The following CLRN1 variants were observed in gnomAD, a reference collection of about 807,000 sequenced individuals.
CLRN1 encodes the protein clarin 1, also known as clarin-1.
In CLRN1, 15 loss-of-function variants were observed where a neutral mutation model predicts 18.7. That is an observed-to-expected ratio of 0.80 (90% CI 0.54 to 1.23). The LOEUF (loss-of-function observed/expected upper bound fraction) is 1.23, where lower values mean the gene tolerates loss of function less well. Ranked by LOEUF, CLRN1 falls within the 50% of genes most tolerant of loss-of-function variation. CLRN1 has a pLI of 0.00. For missense variants in CLRN1, 311 were observed against 277.5 expected (o/e 1.12, Z -0.86); for synonymous variants, 104 against 102.9 (o/e 1.01, Z -0.07).
At chr3:150,966,220 G>A (rs1247398358) in intron 1 of CLRN1, among the ~76,000 whole-genome samples, 2 of 152,200 alleles carry the variant, frequency 1.3e-5, no homozygotes, top group Non-Finnish European at 2.9e-5. Context: ...AGGCTGAGGT[G>A]GGAGGATTCC....
At chr3:150,946,409 G>A (rs944206793) in intron 1 of CLRN1, among the ~76,000 whole-genome samples, 8 of 152,116 alleles carry the variant, frequency 5.3e-5, no homozygotes, top group African/African-American at 1.7e-4. Flanking sequence ...ACTGGCATGT[G>A]TGTCTAGGCA....
In CLRN1 at chr3:150,947,711, C is replaced by T. The variant is rs7646568; in HGVS notation, c.254-5950G>A. Among the ~76,000 whole-genome samples, 347 of 152,268 alleles carry T rather than the reference C, an allele frequency of 2.3e-3. 3 individuals are homozygous for T. Among genetic ancestry groups the T allele is most frequent in the African/African-American group, 7.5e-3 (311 of 41,536 alleles). The stretch of plus-strand genomic sequence containing the variant: ...AAAGTCATATCAAACACCCTCAGAC[C>T]ACGGTACAATAAAAATAGAAGTCAA... On this transcript the variant is annotated intron_variant, in intron 1 of 2. Coordinates refer to ENST00000327047, the MANE Select transcript of CLRN1 (RefSeq NM_174878.3).
chr3:150,948,462 C>G (rs1191467388), intron 1 of CLRN1, among the ~76,000 whole-genome samples: 2 of 110,036 alleles, frequency 1.8e-5, no homozygotes, highest in African/African-American at 7.0e-5. Context: ...CCAGCCTGGG[C>G]GACAGAGCGA....
intron 2 of CLRN1, among the ~76,000 whole-genome samples, chr3:150,935,111 G>A (rs372794090): frequency 2.3e-4 from 35 of 149,518 alleles, no homozygotes; most frequent in African/African-American, 7.3e-4. Flanking sequence ...TCAGGAATTG[G>A]TCCTACATCA....
At chr3:150,955,145 G>A (rs945823853) in intron 1 of CLRN1, among the ~76,000 whole-genome samples, 2 of 152,198 alleles carry the variant, frequency 1.3e-5, no homozygotes, top group Non-Finnish European at 2.9e-5. Flanking sequence ...GACTCGAGAG[G>A]CTGCATGCTG....
At chr3:150,938,807 A>C (rs1469462641) in intron 2 of CLRN1, among the ~76,000 whole-genome samples, 1 of 152,206 alleles carries the variant, frequency 6.6e-6, no homozygotes, top group Non-Finnish European at 1.5e-5. Flanking sequence ...GGTGAGACAG[A>C]ATAGAATGCA....
At chr3:150,938,356 A>T in intron 2 of CLRN1, among the ~76,000 whole-genome samples, 1 of 152,144 alleles carries the variant, frequency 6.6e-6, no homozygotes, top group East Asian at 1.9e-4. Flanking sequence ...CACACTTAGA[A>T]TGTTTGGGAT....
intron 1 of CLRN1, among the ~76,000 whole-genome samples, chr3:150,962,264 A>C (rs751396916): frequency 6.6e-6 from 1 of 152,184 alleles, no homozygotes; most frequent in Non-Finnish European, 1.5e-5. Context: ...ACCAGGTACA[A>C]AGTTTGCTAT....
chr3:150,955,412 G>T (rs775081014), intron 1 of CLRN1, among the ~76,000 whole-genome samples: 1 of 152,146 alleles, frequency 6.6e-6, no homozygotes, highest in Non-Finnish European at 1.5e-5. Context: ...CAATAAACCC[G>T]ACTGAAAACA....
chr3:150,942,461 A>G (rs1713912834), intron 1 of CLRN1: 1 of 239,212 alleles, frequency 4.2e-6, no homozygotes, highest in African/African-American at 2.3e-5. Context: ...GGCATCAGCA[A>G]ATCTGGCAGG....
At chr3:150,943,932 G>T (rs913952826) in intron 1 of CLRN1, 1 of 1,606,142 alleles carries the variant, frequency 6.2e-7, no homozygotes, top group Non-Finnish European at 8.5e-7. Flanking sequence ...GTTGAGCAGG[G>T]CAGGCTGAGT....
rs144778879 is a variant in CLRN1 at position 150,939,811 on chromosome 3, T to C, written c.433+1771A>G. 1.0e-3 allele frequency among the ~76,000 whole-genome samples: 154 copies of C among 152,240 alleles called. 2 individuals carry two copies. Among genetic ancestry groups the C allele is most frequent in the Non-Finnish European group, 1.8e-3 (123 of 68,004 alleles). On this transcript the variant is annotated intron_variant, in intron 2 of 2. Coordinates refer to ENST00000327047, the MANE Select transcript of CLRN1 (RefSeq NM_174878.3). ...TTTGGTGAGCAGAAGTAATCCCAAC[T>C]CTCTCTTCTCATCTGGACTTTCACA...
At chr3:150,939,592 A>C (rs1713691312) in intron 2 of CLRN1, among the ~76,000 whole-genome samples, 1 of 152,118 alleles carries the variant, frequency 6.6e-6, no homozygotes, top group Non-Finnish European at 1.5e-5. Context: ...CAGACCCCCA[A>C]GTTTCTGATT....
chr3:150,972,400 A>G, intron 1 of CLRN1, 56 bp downstream of exon 1: 2 of 1,613,028 alleles, frequency 1.2e-6, no homozygotes, highest in Non-Finnish European at 8.5e-7. Context: ...ATTCCTCGCA[A>G]CACTGGGAAG....
At chr3:150,931,851 C>A (rs1027430412) in intron 2 of CLRN1, among the ~76,000 whole-genome samples, 10 of 152,090 alleles carry the variant, frequency 6.6e-5, no homozygotes, top group Admixed American at 6.6e-4. Flanking sequence ...TCTATCTGAC[C>A]AACACTGCTC....
Position 150,928,217 on chromosome 3 carries a change from C to T in CLRN1, c.434-16G>A, listed in dbSNP as rs758108409. 1 of 1,613,692 alleles carries T rather than the reference C, an allele frequency of 6.2e-7. No individual in the cohort carries two copies. Among genetic ancestry groups the T allele is most frequent in the Admixed American group, 1.7e-5 (1 of 60,020 alleles). The stretch of plus-strand genomic sequence containing the variant: ...CCACAGGAGCCTGCAACAGAAGAAA[C>T]AAGGTGTTGGGACAAATATTTCCTG... On this transcript the variant is annotated splice_polypyrimidine_tract_variant and intron_variant, in intron 2 of 2. Coordinates refer to ENST00000327047, the MANE Select transcript of CLRN1 (RefSeq NM_174878.3).
chr3:150,967,310 A>C (rs957239025), intron 1 of CLRN1, among the ~76,000 whole-genome samples: 1 of 152,170 alleles, frequency 6.6e-6, no homozygotes, highest in African/African-American at 2.4e-5. Context: ...AGGAGGAAGC[A>C]ATTATTTGGC....
rs939398273 is a variant in CLRN1, at chr3:150,970,275, C to T, written c.253+2181G>A. 5.3e-5 allele frequency among the ~76,000 whole-genome samples: 8 copies of T among 152,136 alleles called. No individual in the cohort carries two copies. The South Asian group carries it at 1.2e-3, about 24-fold the overall frequency. ...ATCCAAGCAAACGTTGATGAAACATCATTGACAGGGTAATGACATTCTGAA... is the reference window on the plus strand; with the variant it reads ...ATCCAAGCAAACGTTGATGAAACATTATTGACAGGGTAATGACATTCTGAA... On this transcript the variant is annotated intron_variant, in intron 1 of 2. Coordinates refer to ENST00000327047, the MANE Select transcript of CLRN1 (RefSeq NM_174878.3).
intron 1 of CLRN1, among the ~76,000 whole-genome samples, chr3:150,968,633 A>G (rs1423611536): frequency 6.6e-6 from 1 of 152,230 alleles, no homozygotes; most frequent in East Asian, 1.9e-4. Flanking sequence ...TCCATTTTTC[A>G]TTCTCATGTT....
Sources: gnomAD v4.1 joint callset for allele counts (sites outside exome capture counted in the v4.1 genomes callset) on GRCh38, gnomAD v4.1.1 for gene constraint, MANE v1.5 for transcripts, NCBI Gene and HGNC (gene_info 2026-07-23, HGNC 2026-07-21) for gene names.